PLIN4: variants seen among roughly 807,000 people sequenced by gnomAD.
The protein encoded by PLIN4 is perilipin 4, also known as perilipin-4.
In PLIN4, 57 loss-of-function variants were observed where a neutral mutation model predicts 52.4. The ratio of observed to expected loss-of-function variants is 1.09; its 90% confidence interval spans 0.88 to 1.36. The LOEUF (loss-of-function observed/expected upper bound fraction) is 1.36, where lower values mean the gene tolerates loss of function less well. Ranked by LOEUF, PLIN4 falls within the 40% of genes most tolerant of loss-of-function variation. The pLI is 0.00. For synonymous variants in PLIN4, 826 were observed against 785.4 expected (o/e 1.05, Z -0.86); for missense variants, 1,757 against 1,770.3 (o/e 0.99, Z 0.13).
Position 4,508,914 on chromosome 19 carries a change from C to T in PLIN4, c.3556G>A (p.Ala1186Thr). 6.2e-7 allele frequency: 1 copy of T among 1,612,916 alleles called. No homozygotes were observed. The highest frequency in any genetic ancestry group is 8.5e-7 in the Non-Finnish European group (1 of 1,179,776). ...CGAACGAAGTAGCTCCCCTGTTCCG[C>T]CGACAGCACCTTTGGCCCAGGCTGG... ...ASQPGPKVLS[A>T]EQGSYFVRLG... Residue 1186 changes from alanine to threonine, a missense_variant, in exon 6 of 8, where the codon GCG becomes ACG. Physicochemically the swap from Ala to Thr is moderately conservative, Grantham distance 58 (BLOSUM62 0). Coordinates refer to ENST00000301286, the MANE Select transcript of PLIN4 (RefSeq NM_001367868.2).
At position 4,510,704 on chromosome 19, in the gene PLIN4, C is replaced by G; in HGVS notation, c.3256G>C (p.Glu1086Gln). 1 of 1,527,772 alleles carries G rather than the reference C, an allele frequency of 6.5e-7. No homozygotes were observed. The highest frequency in any genetic ancestry group is 2.3e-5 in the East Asian group (1 of 44,198). 94.6% of individuals were successfully genotyped at this position (1,527,772 alleles called of 1,614,324 possible). ...GTGGAGATGCCAGAGAACGGGGCCTCTTGGGGGCTCAGGGCAGTCTGCTCC... is the reference window on the plus strand; with the variant it reads ...GTGGAGATGCCAGAGAACGGGGCCTGTTGGGGGCTCAGGGCAGTCTGCTCC... ...GGEQTALSPQ[E>Q]APFSGISTPP... is the part of the protein sequence containing the mutation. Residue 1086 changes from glutamate (E) to glutamine (Q), a missense_variant, in exon 5 of 8, where the codon GAG becomes CAG. Physicochemically the swap from Glu to Gln is conservative, Grantham distance 29. Around this residue, in one of 7 missense-constraint regions of PLIN4, gnomAD observed 712 missense variants for 637.1 expected, o/e 1.12. Coordinates refer to ENST00000301286, the MANE Select transcript of PLIN4 (RefSeq NM_001367868.2).
intron 5 of PLIN4, among the ~76,000 whole-genome samples, chr19:4,509,310 C>CAAAAA (rs71168909): frequency 0.079 from 1,255 of 15,798 alleles, 300 homozygotes; most frequent in African/African-American, 0.24. Flanking sequence ...GACTCCGTCT[C>CAAAAA]AAAAAAAAAA....
At position 4,510,413 on chromosome 19, in the gene PLIN4, C is replaced by G. The variant is rs200774606; in HGVS notation, c.3514+33G>C. 137 of 1,381,468 alleles carry G rather than the reference C, an allele frequency of 9.9e-5. No individual in the cohort carries two copies. In the African/African-American group the frequency reaches 1.7e-3, roughly 17 times the overall value. 85.6% of individuals were successfully genotyped at this position (1,381,468 alleles called of 1,614,324 possible). A position where few individuals can be genotyped will look rare whatever the true frequency, so the allele number is the denominator to read the frequency against. On this transcript the variant is annotated intron_variant, in intron 5 of 7. Coordinates refer to ENST00000301286, the MANE Select transcript of PLIN4 (RefSeq NM_001367868.2). ...AGGACCTGCTAGCAGCTGTGCCTGC[C>G]TCAGGGACCCATGAACCCAGGCGTC...
chr19:4,506,690 C>T (rs1263929395), intron 6 of PLIN4, among the ~76,000 whole-genome samples: 1 of 152,262 alleles, frequency 6.6e-6, no homozygotes, highest in South Asian at 2.1e-4. Flanking sequence ...TCCTTCTCCC[C>T]TTCTGAAGAG....
At chr19:4,515,751 A>C (rs1259360421) in intron 4 of PLIN4, among the ~76,000 whole-genome samples, 1 of 152,176 alleles carries the variant, frequency 6.6e-6, no homozygotes, top group African/African-American at 2.4e-5. Context: ...CCAGAGAATG[A>C]TCCAACCCCA....
chr19:4,516,023 C>T (rs111721298), intron 4 of PLIN4, among the ~76,000 whole-genome samples: 2,167 of 152,248 alleles, frequency 0.014, 69 homozygotes, highest in African/African-American at 0.05. Context: ...GCCTGTAATC[C>T]CAGCACTTTG....
intron 6 of PLIN4, 55 bp downstream of exon 6, chr19:4,508,713 C>T: frequency 6.6e-7 from 1 of 1,507,754 alleles, no homozygotes; most frequent in Non-Finnish European, 8.9e-7. Flanking sequence ...GAGTCCTGGG[C>T]AGGGGTTCTA....
chr19:4,506,325 G>A (rs1289219543), intron 6 of PLIN4, among the ~76,000 whole-genome samples: 1 of 152,128 alleles, frequency 6.6e-6, no homozygotes, highest in East Asian at 1.9e-4. Context: ...CACGGGCCGT[G>A]CCCTCCGCTC....
chr19:4,507,791 C>G (rs1176927849), intron 6 of PLIN4, among the ~76,000 whole-genome samples: 2 of 152,140 alleles, frequency 1.3e-5, no homozygotes, highest in East Asian at 3.9e-4. Flanking sequence ...GGACTGGGGA[C>G]GGGGAGACTG....
chr19:4,513,782 A>T (rs1976511892), intron 4 of PLIN4, 81 bp from the exon 5 acceptor site: 13 of 1,470,058 alleles, frequency 8.8e-6, no homozygotes, highest in Middle Eastern at 1.8e-4. Context: ...CCAGCCCCCT[A>T]GTGTGCTTTG....
chr19:4,512,262 G>A lies in PLIN4; in HGVS notation c.1698C>T (p.Asp566=), dbSNP rs201039578. ...CCCCCGTGAGCCCAGTGGACATCGTGTCTTTTGTACCTATGACCACAGACT... is the reference window on the plus strand; with the variant it reads ...CCCCCGTGAGCCCAGTGGACATCGTATCTTTTGTACCTATGACCACAGACT... ...TTKSVVIGTK[D]TMSTGLTGAA... Residue 566 remains aspartate, a synonymous_variant, in exon 5 of 8, where the codon GAC becomes GAT. Coordinates refer to ENST00000301286, the MANE Select transcript of PLIN4 (RefSeq NM_001367868.2). The A allele has an allele frequency of 1.8e-4, 289 of 1,611,572 alleles. 12 individuals are homozygous for A. In the African/African-American group the frequency reaches 2.2e-3, roughly 12 times the overall value.
rs539590372 is a variant in PLIN4 at position 4,510,482 on chromosome 19, C to G, written c.3478G>C (p.Gly1160Arg). ...AMLQNELEGLGDIFHPMNAEE... is the reference protein window; with the variant it reads ...AMLQNELEGLRDIFHPMNAEE... ...GCATTCATGGGGTGGAAGATGTCCC[C>G]CAGCCCCTCCAACTCATTCTGCAGC... The change falls in exon 5 of 8, where the codon GGG becomes CGG. Residue 1160 changes from glycine to arginine, a missense_variant. This residue lies in a region of PLIN4 where 712 missense variants were observed against 637.1 expected (regional missense o/e 1.12). Coordinates refer to ENST00000301286, the MANE Select transcript of PLIN4 (RefSeq NM_001367868.2). 1.4e-6 allele frequency: 2 copies of G among 1,458,164 alleles called. No individual in the cohort carries two copies. Among genetic ancestry groups the G allele is most frequent in the East Asian group, 2.4e-5 (1 of 41,292 alleles). 90.3% of individuals were successfully genotyped at this position (1,458,164 alleles called of 1,614,324 possible).
At chr19:4,508,112 C>T (rs1976153394) in intron 6 of PLIN4, among the ~76,000 whole-genome samples, 1 of 152,162 alleles carries the variant, frequency 6.6e-6, no homozygotes, top group Admixed American at 6.5e-5. Flanking sequence ...CAGCTTGCTC[C>T]CCGGTAGCTT....
chr19:4,515,338 C>T (rs530282160), intron 4 of PLIN4, among the ~76,000 whole-genome samples: 10 of 151,462 alleles, frequency 6.6e-5, no homozygotes, highest in African/African-American at 1.9e-4. Flanking sequence ...GGCGAGATCT[C>T]GGCTCACTGC....
intron 4 of PLIN4, among the ~76,000 whole-genome samples, chr19:4,514,948 G>A (rs960798097): frequency 6.6e-6 from 1 of 151,654 alleles, no homozygotes; most frequent in African/African-American, 2.4e-5. Flanking sequence ...GGCCGAGGCA[G>A]GTGGATCACC....
In PLIN4 at chr19:4,512,102, T is replaced by C. The variant is rs141457177; in HGVS notation, c.1858A>G (p.Met620Val). The C allele has an allele frequency of 7.6e-4, 1,160 of 1,520,542 alleles. 39 individuals carry two copies. In the African/African-American group the frequency reaches 0.017, roughly 22 times the overall value. 94.2% of individuals were successfully genotyped at this position (1,520,542 alleles called of 1,614,324 possible). A position where few individuals can be genotyped will look rare whatever the true frequency, so the allele number is the denominator to read the frequency against. The change falls in exon 5 of 8, where the codon ATG (methionine) becomes GTG (valine). Residue 620 changes from methionine to valine, a missense_variant. Around this residue, in one of 7 missense-constraint regions of PLIN4, gnomAD observed 439 missense variants for 406.4 expected, o/e 1.08. Transcript: ENST00000301286. ...GTTAGGACAGTTTTGGTGGTGTCCA[T>C]GCCTGTCTGGACGGTCCCTTTGGCG... Reference protein sequence around the residue: ...NVAKGTVQTGMDTTKTVLTGT... With the variant: ...NVAKGTVQTGVDTTKTVLTGT...
In PLIN4 at chr19:4,504,658, C is replaced by T. The variant is rs567197961; in HGVS notation, c.3917G>A (p.Arg1306Gln). ...GCCATAGAGCTCACAGAGGCTGTGC[C>T]GCGCCCGCCCCACTGGCTGCTGGAG... is the stretch of plus-strand genomic sequence containing the variant. ...AELQQPVGRA[R>Q]HSLCELYGIV... Residue 1306 changes from arginine to glutamine, a missense_variant, in exon 8 of 8, where the codon CGG (arginine) becomes CAG (glutamine). This residue lies in a region of PLIN4 where 712 missense variants were observed against 637.1 expected (regional missense o/e 1.12). Transcript: ENST00000301286. The T allele has an allele frequency of 1.7e-5, 27 of 1,602,634 alleles. No homozygotes were observed. Among genetic ancestry groups the T allele is most frequent in the South Asian group, 3.3e-5 (3 of 90,234 alleles).
chr19:4,507,215 C>A lies in PLIN4; in HGVS notation c.3702+1553G>T, dbSNP rs189521238. ...TAGGCTGCACGCCAGGAATCCTGAC[C>A]GAGGGCGGCATCTCAAGGTTTCTCA... On this transcript the variant is annotated intron_variant, in intron 6 of 7. Transcript: ENST00000301286. 2.0e-4 allele frequency among the ~76,000 whole-genome samples: 31 copies of A among 152,366 alleles called. No individual in the cohort carries two copies. In the East Asian group the frequency reaches 6.0e-3, roughly 29 times the overall value.
In PLIN4 at chr19:4,512,457, A is replaced by G. The variant is rs148456744; in HGVS notation, c.1503T>C (p.Ala501=). ...CAGCCCCTGTGAGCCCAGTGGACAC[A>G]GCATCTTTAGTGCCAGTCAGGACAG... ...TKSVLTGTKD[A]VSTGLTGAVN... Residue 501 remains alanine (A), a synonymous_variant, in exon 5 of 8, where the codon GCT becomes GCC. Coordinates refer to ENST00000301286, the MANE Select transcript of PLIN4 (RefSeq NM_001367868.2). 1,904 of 1,592,198 alleles carry G rather than the reference A, an allele frequency of 1.2e-3. 27 individuals carry two copies. In the African/African-American group the frequency reaches 0.021, roughly 18 times the overall value.
Sources: gnomAD v4.1 joint callset for allele counts (sites outside exome capture counted in the v4.1 genomes callset) on GRCh38, gnomAD v4.1.1 for gene constraint, gnomAD v4.1.1 regional missense constraint, MANE v1.5 for transcripts, NCBI Gene and HGNC (gene_info 2026-07-23, HGNC 2026-07-21) for gene names.